PGLYRP2: variants seen among roughly 807,000 people sequenced by gnomAD.
PGLYRP2 encodes the protein N-acetylmuramoyl-L-alanine amidase.
PGLYRP2 carries 38 observed loss-of-function variants against 46.2 expected under a neutral mutation model. The ratio of observed to expected loss-of-function variants is 0.82; its 90% confidence interval spans 0.64 to 1.08. The LOEUF (loss-of-function observed/expected upper bound fraction) is 1.08. Among genes scored for constraint, PGLYRP2 ranks in the 50% least tolerant of loss-of-function variants. The pLI, the probability that PGLYRP2 is intolerant of heterozygous loss-of-function variation, is 0.00. For synonymous variants in PGLYRP2, 289 were observed against 329.4 expected (o/e 0.88, Z 1.33); for missense variants, 713 against 755.9 (o/e 0.94, Z 0.67).
chr19:15,473,927 A>AT (rs1970772823), intron 2 of PGLYRP2, among the ~76,000 whole-genome samples: 1 of 152,234 alleles, frequency 6.6e-6, no homozygotes, highest in South Asian at 2.1e-4. Flanking sequence ...TCAAAAGAAG[A>AT]TATACACATG....
chr19:15,476,367 G>C lies in PGLYRP2; in HGVS notation c.303C>G (p.Asp101Glu). 6.2e-7 allele frequency: 1 copy of C among 1,614,058 alleles called. No individual in the cohort carries two copies. Among genetic ancestry groups the C allele is most frequent in the Non-Finnish European group, 8.5e-7 (1 of 1,180,008 alleles). The change falls in exon 2 of 5, where the codon GAC becomes GAG. Residue 101 changes from aspartate to glutamate, a missense_variant. By Grantham distance (45) the Asp-to-Glu change is conservative. Coordinates refer to ENST00000340880, the MANE Select transcript of PGLYRP2 (RefSeq NM_052890.4). The stretch of plus-strand genomic sequence containing the variant: ...CCCCATATTCCTTCCCTTCTCGTAC[G>C]TCATGTCGGGCCACCTCCTTGGTCA... ...LGLTKEVARH[D>E]VREGKEYGVV...
chr19:15,472,815 C>T (rs373944116), intron 2 of PGLYRP2, among the ~76,000 whole-genome samples: 1 of 152,096 alleles, frequency 6.6e-6, no homozygotes, highest in Non-Finnish European at 1.5e-5. Flanking sequence ...TCATTTTTCA[C>T]AGAATTAGAC....
intron 1 of PGLYRP2, among the ~76,000 whole-genome samples, chr19:15,477,392 CAAAAA>C (rs34640786): frequency 1.9e-3 from 156 of 80,464 alleles, no homozygotes; most frequent in Middle Eastern, 8.9e-3. Flanking sequence ...GACTTTGTCT[CAAAAA>C]AAAAAAAAAA....
rs770980829 is a variant in PGLYRP2, at chr19:15,472,109, A to C, written c.1133-9T>G. On this transcript the variant is annotated splice_polypyrimidine_tract_variant and intron_variant, in intron 2 of 4. Coordinates refer to ENST00000340880, the MANE Select transcript of PGLYRP2 (RefSeq NM_052890.4). ...GTGGATGGCCGGGCATCCTACAGGC[A>C]AGGGGGTTGAAGGCTGGGGTCAGGA... is the stretch of plus-strand genomic sequence containing the variant. 6.3e-7 allele frequency: 1 copy of C among 1,595,728 alleles called. No individual in the cohort carries two copies. Among genetic ancestry groups the C allele is most frequent in the East Asian group, 2.2e-5 (1 of 44,788 alleles).
At chr19:15,478,635 T>G (rs1970818929) in intron 1 of PGLYRP2, among the ~76,000 whole-genome samples, 1 of 150,860 alleles carries the variant, frequency 6.6e-6, no homozygotes, top group African/African-American at 2.4e-5. Context: ...CCTTTGTTTT[T>G]TTTTTTTTTT....
chr19:15,469,848 G>T lies in PGLYRP2; in HGVS notation c.1425C>A (p.Ser475=). The stretch of plus-strand genomic sequence containing the variant: ...CCACTATGGCCACGCCGAAGCCCCG[G>T]GAGTTGTGGCCGAGCGTGTGGGCGC... The part of the protein sequence containing the change: ...WVGAHTLGHN[S]RGFGVAIVGN... The change falls in exon 4 of 5, where the codon TCC becomes TCA. Residue 475 remains serine (S), a synonymous_variant. Coordinates refer to ENST00000340880, the MANE Select transcript of PGLYRP2 (RefSeq NM_052890.4). This position sits in a 1 kb window ranked among gnomAD's most constrained non-coding sequence, Gnocchi z 4.9. 6.6e-7 allele frequency: 1 copy of T among 1,526,376 alleles called. No homozygotes were observed. 94.6% of individuals were successfully genotyped at this position (1,526,376 alleles called of 1,614,324 possible).
At position 15,469,573 on chromosome 19, in the gene PGLYRP2, G is replaced by C; in HGVS notation, c.1641+59C>G. 1.3e-6 allele frequency: 2 copies of C among 1,547,036 alleles called. No homozygotes were observed. Among genetic ancestry groups the C allele is most frequent in the African/African-American group, 1.4e-5 (1 of 73,762 alleles). On this transcript the variant is annotated intron_variant, in intron 4 of 4. Transcript: ENST00000340880. The surrounding 1 kb of genome is among the most constrained non-coding windows in gnomAD (Gnocchi z 4.9). ...GTTACAGGCAGGGGGCAGGGGCCTC[G>C]TGGAGCTTGTGTAGACGGAGGGGCG...
intron 3 of PGLYRP2, among the ~76,000 whole-genome samples, chr19:15,471,464 C>T (rs1028744223): frequency 2.6e-5 from 4 of 151,300 alleles, no homozygotes; most frequent in Non-Finnish European, 4.4e-5. Context: ...GGGGTGTCTT[C>T]CTATATTGCT....
In PGLYRP2 at chr19:15,472,078, G is replaced by C. The variant is rs1970755640; in HGVS notation, c.1155C>G (p.Arg385=). 6.2e-7 allele frequency: 1 copy of C among 1,604,672 alleles called. No homozygotes were observed. Among genetic ancestry groups the C allele is most frequent in the Non-Finnish European group, 8.5e-7 (1 of 1,179,722 alleles). ...GATAAGGCGCCGCTCCCCAGCGGCA[G>C]CGGGGGTGGATGGCCGGGCATCCTA... is the stretch of plus-strand genomic sequence containing the variant. ...AFLGCPAIHP[R]CRWGAAPYRG... is the part of the protein sequence containing the mutation. The change falls in exon 3 of 5, where the codon CGC becomes CGG. Residue 385 remains arginine (R), a synonymous_variant. Coordinates refer to ENST00000340880, the MANE Select transcript of PGLYRP2 (RefSeq NM_052890.4).
chr19:15,478,615 G>A (rs1970818405), intron 1 of PGLYRP2, among the ~76,000 whole-genome samples: 1 of 151,710 alleles, frequency 6.6e-6, no homozygotes, highest in Admixed American at 6.6e-5. Flanking sequence ...AGTGGCAGAG[G>A]CAGGATTTGC....
chr19:15,472,203 A>C lies in PGLYRP2; in HGVS notation c.1133-103T>G, dbSNP rs564647752. 1.4e-5 allele frequency: 14 copies of C among 969,740 alleles called. No homozygotes were observed. In the East Asian group the frequency reaches 3.1e-4, roughly 22 times the overall value. 60.1% of individuals were successfully genotyped at this position (969,740 alleles called of 1,614,324 possible). A position where few individuals can be genotyped will look rare whatever the true frequency, so the allele number is the denominator to read the frequency against. The stretch of plus-strand genomic sequence containing the variant: ...ACAGACCATCCCTCAGCCTCCTCTC[A>C]GATTTGGAAAGGGTCCAGTCTCACC... On this transcript the variant is annotated intron_variant, in intron 2 of 4. Coordinates refer to ENST00000340880, the MANE Select transcript of PGLYRP2 (RefSeq NM_052890.4).
chr19:15,476,749 G>T, intron 1 of PGLYRP2, 141 bp from the exon 2 acceptor site: 3 of 716,098 alleles, frequency 4.2e-6, no homozygotes, highest in African/African-American at 1.8e-5. Context: ...GATGAGGAAA[G>T]TGAGGTACAC....
At position 15,469,925 on chromosome 19, in the gene PGLYRP2, C is replaced by G. The variant is rs1280078969; in HGVS notation, c.1348G>C (p.Val450Leu). The G allele has an allele frequency of 2.1e-6, 3 of 1,424,916 alleles. No individual in the cohort carries two copies. The African/African-American group carries it at 4.5e-5, about 21-fold the overall frequency. 88.3% of individuals were successfully genotyped at this position (1,424,916 alleles called of 1,614,324 possible). Residue 450 changes from valine (V) to leucine (L), a missense_variant, in exon 4 of 5, where the codon GTG becomes CTG. Val to Leu is a conservative substitution (Grantham distance 32, BLOSUM62 1). Coordinates refer to ENST00000340880, the MANE Select transcript of PGLYRP2 (RefSeq NM_052890.4). The surrounding 1 kb of genome is among the most constrained non-coding windows in gnomAD (Gnocchi z 4.9). ...TACACGTAGCCGTCCGAGCCCACCA[C>G]GAAACTGCAGAGGGGAGGGAGAAGC... is the stretch of plus-strand genomic sequence containing the variant. ...QGWGDIGYSF[V>L]VGSDGYVYEG...
chr19:15,478,149 C>A (rs1970814636), intron 1 of PGLYRP2, among the ~76,000 whole-genome samples: 1 of 152,122 alleles, frequency 6.6e-6, no homozygotes, highest in Non-Finnish European at 1.5e-5. Context: ...GAGTTTGAGA[C>A]CAGCCTGGCC....
intron 3 of PGLYRP2, among the ~76,000 whole-genome samples, chr19:15,471,080 C>G (rs1477727024): frequency 6.8e-6 from 1 of 147,986 alleles, no homozygotes; most frequent in East Asian, 2.0e-4. Flanking sequence ...GCTGGGACTA[C>G]AGGCGCGCAA....
At position 15,476,942 on chromosome 19, in the gene PGLYRP2, C is replaced by G. The variant is rs527947933; in HGVS notation, c.62-334G>C. On this transcript the variant is annotated intron_variant, in intron 1 of 4. Coordinates refer to ENST00000340880, the MANE Select transcript of PGLYRP2 (RefSeq NM_052890.4). ...GGGTGCCAGGATAGAAAAGGGGAGA[C>G]AGTGTGGAGGTGAGAGATGAAGGTG... 2.6e-5 allele frequency among the ~76,000 whole-genome samples: 4 copies of G among 152,112 alleles called. No homozygotes were observed. The East Asian group carries it at 7.7e-4, about 29-fold the overall frequency.
At position 15,469,408 on chromosome 19, in the gene PGLYRP2, T is replaced by G. The variant is rs1017590928; in HGVS notation, c.1641+224A>C. 1 of 738,004 alleles carries G rather than the reference T, an allele frequency of 1.4e-6. No individual in the cohort carries two copies. Among genetic ancestry groups the G allele is most frequent in the Admixed American group, 2.0e-5 (1 of 49,940 alleles). The allele number at this position is 738,004 out of a possible 1,614,324, so 45.7% of individuals were successfully genotyped here. On this transcript the variant is annotated intron_variant, in intron 4 of 4. Transcript: ENST00000340880. This position sits in a 1 kb window ranked among gnomAD's most constrained non-coding sequence, Gnocchi z 4.9. ...AGGACAGGCTGGCTGGGTCTGGGGCTGAGCTGAGGCTGCATAGGCAGAAGT... is the reference window on the plus strand; with the variant it reads ...AGGACAGGCTGGCTGGGTCTGGGGCGGAGCTGAGGCTGCATAGGCAGAAGT...
In PGLYRP2 at chr19:15,475,885, T is replaced by C. The variant is rs761408370; in HGVS notation, c.785A>G (p.Asp262Gly). The change falls in exon 2 of 5, where the codon GAC becomes GGC. Residue 262 changes from aspartate (D) to glycine (G), a missense_variant. Asp to Gly is a moderately conservative substitution (Grantham distance 94). Coordinates refer to ENST00000340880, the MANE Select transcript of PGLYRP2 (RefSeq NM_052890.4). Reference protein sequence around the residue: ...LSAPRTFTLLDPKASLLTMAF... With the variant: ...LSAPRTFTLLGPKASLLTMAF... ...CATGGTTAACAGAGATGCCTTGGGG[T>C]CCAAAAGCGTAAAGGTCCGAGGGGC... The C allele has an allele frequency of 1.9e-6, 3 of 1,613,684 alleles. No homozygotes were observed. The highest frequency in any genetic ancestry group is 2.5e-6 in the Non-Finnish European group (3 of 1,179,978).
intron 4 of PGLYRP2, 94 bp from the exon 5 acceptor site, chr19:15,468,846 G>T: frequency 1.1e-6 from 1 of 929,140 alleles, no homozygotes; most frequent in Non-Finnish European, 1.7e-6. Context: ...TCAGGGAGGG[G>T]ACAGTGGCCC....
Sources: gnomAD v4.1 joint callset for allele counts (sites outside exome capture counted in the v4.1 genomes callset) on GRCh38, gnomAD v4.1.1 for gene constraint, Gnocchi (gnomAD v3.1) non-coding constraint, MANE v1.5 for transcripts, NCBI Gene and HGNC (gene_info 2026-07-23, HGNC 2026-07-21) for gene names.